The following EHD3 variants were observed in gnomAD, a reference collection of about 807,000 sequenced individuals.
EHD3 encodes the protein EH domain containing 3.
EHD3 carries 17 observed loss-of-function variants against 43.0 expected under a neutral mutation model. The ratio of observed to expected loss-of-function variants is 0.40; its 90% confidence interval spans 0.27 to 0.59. EHD3 has a LOEUF of 0.59. EHD3 is among the 20% of genes least tolerant of loss of function. The pLI is 0.49. For missense variants in EHD3, 594 were observed against 705.6 expected, an observed-to-expected ratio of 0.84 and a Z score of 1.79; for synonymous variants, 313 against 289.5, an observed-to-expected ratio of 1.08 and a Z score of -0.82.
intron 5 of EHD3, among the ~76,000 whole-genome samples, chr2:31,262,010 G>C (rs1210653041): frequency 6.6e-6 from 1 of 152,222 alleles, no homozygotes; most frequent in Non-Finnish European, 1.5e-5. Flanking sequence ...AGCCACCACA[G>C]GCTTGACGTC....
At chr2:31,250,244 G>A (rs1330623196) in intron 3 of EHD3, among the ~76,000 whole-genome samples, 2 of 150,844 alleles carry the variant, frequency 1.3e-5, no homozygotes, top group East Asian at 3.9e-4. Context: ...GATTATAGAT[G>A]ATCATCATCA....
rs112404429 is a variant in EHD3, at chr2:31,256,687, A to G, written c.503-3823A>G. On this transcript the variant is annotated intron_variant, in intron 3 of 5. Coordinates refer to ENST00000322054, the MANE Select transcript of EHD3 (RefSeq NM_014600.3). ...CAGCATGGACATATTGCTGCCCCTC[A>G]GCCTTTGCAGACACAGCCTTCTCTT... Among the ~76,000 whole-genome samples, 1,182 of 152,318 alleles carry G rather than the reference A, an allele frequency of 7.8e-3. 19 individuals are homozygous for G. The highest frequency in any genetic ancestry group is 0.026 in the African/African-American group (1,089 of 41,574).
rs544710867 is a variant in EHD3, at chr2:31,263,570, G to A, written c.1080+1857G>A. On this transcript the variant is annotated intron_variant, in intron 5 of 5. Coordinates refer to ENST00000322054, the MANE Select transcript of EHD3 (RefSeq NM_014600.3). The stretch of plus-strand genomic sequence containing the variant: ...CTGGGAGGGACAGGAGGAATGAGAG[G>A]TGGGAGGACCTTGGGACGTGATGCT... 2.0e-5 allele frequency among the ~76,000 whole-genome samples: 3 copies of A among 152,296 alleles called. No individual in the cohort carries two copies. The South Asian group carries it at 6.2e-4, about 32-fold the overall frequency.
At position 31,266,379 on chromosome 2, in the gene EHD3, A is replaced by T; in HGVS notation, c.1283A>T (p.Glu428Val). The part of the protein sequence containing the change: ...LHGPFGHGYG[E>V]GAGEGIDDAE... ...GGCCCCTTTGGGCATGGCTATGGGG[A>T]GGGGGCTGGAGAAGGTATCGATGAT... is the stretch of plus-strand genomic sequence containing the variant. Residue 428 changes from glutamate (E) to valine (V), a missense_variant, in exon 6 of 6, where the codon GAG becomes GTG. Around this residue, in one of 3 missense-constraint regions of EHD3, gnomAD observed 322 missense variants for 348.0 expected, o/e 0.93. Transcript: ENST00000322054. This position sits in a 1 kb window ranked among gnomAD's most constrained non-coding sequence, Gnocchi z 5.1. 1.2e-6 allele frequency: 2 copies of T among 1,613,974 alleles called. No individual in the cohort carries two copies. The highest frequency in any genetic ancestry group is 8.5e-7 in the Non-Finnish European group (1 of 1,179,960).
In EHD3 at chr2:31,266,727, G is replaced by T. The variant is rs746607553; in HGVS notation, c.*23G>T. The stretch of plus-strand genomic sequence containing the variant: ...TGATGGGGTGGGGGGACATTCAGAC[G>T]GGCAGTGTTAGAGGAGGAGATGGGA... On this transcript the variant is annotated 3_prime_UTR_variant, in exon 6 of 6. Coordinates refer to ENST00000322054, the MANE Select transcript of EHD3 (RefSeq NM_014600.3). This position sits in a 1 kb window ranked among gnomAD's most constrained non-coding sequence, Gnocchi z 5.1. The T allele has an allele frequency of 6.4e-7, 1 of 1,571,396 alleles. No homozygotes were observed. The highest frequency in any genetic ancestry group is 8.6e-7 in the Non-Finnish European group (1 of 1,160,302).
intron 3 of EHD3, among the ~76,000 whole-genome samples, chr2:31,251,889 T>C (rs904652641): frequency 1.3e-5 from 2 of 152,134 alleles, no homozygotes; most frequent in Non-Finnish European, 2.9e-5. Context: ...CCCCAAGTGG[T>C]TCATCTGGGG....
chr2:31,238,899 G>A (rs1683370271), intron 1 of EHD3, among the ~76,000 whole-genome samples: 1 of 152,124 alleles, frequency 6.6e-6, no homozygotes, highest in Non-Finnish European at 1.5e-5. Flanking sequence ...GGGCTGCAGA[G>A]CTAAGCTGCC....
At chr2:31,242,853 G>A (rs930612944) in intron 1 of EHD3, among the ~76,000 whole-genome samples, 5 of 152,096 alleles carry the variant, frequency 3.3e-5, no homozygotes, top group East Asian at 1.9e-4. Context: ...CCAGCTACTC[G>A]GGAGGCTGAG....
At chr2:31,242,198 G>A (rs1284427189) in intron 1 of EHD3, among the ~76,000 whole-genome samples, 4 of 152,208 alleles carry the variant, frequency 2.6e-5, no homozygotes, top group African/African-American at 7.2e-5. Context: ...TTGATGAGTG[G>A]GAGGAAGCCC....
At chr2:31,258,370 C>G (rs544025254) in intron 3 of EHD3, among the ~76,000 whole-genome samples, 58 of 152,264 alleles carry the variant, frequency 3.8e-4, no homozygotes, top group African/African-American at 1.4e-3. Flanking sequence ...AAATATGTAC[C>G]CCACTGGGTG....
intron 3 of EHD3, among the ~76,000 whole-genome samples, chr2:31,255,564 T>C (rs577607768): frequency 3.9e-5 from 6 of 152,252 alleles, no homozygotes; most frequent in African/African-American, 1.4e-4. Flanking sequence ...CTGGGTCCAG[T>C]CCATACCTTT....
intron 1 of EHD3, among the ~76,000 whole-genome samples, chr2:31,239,256 C>T (rs1683375161): frequency 6.6e-6 from 1 of 152,210 alleles, no homozygotes; most frequent in Non-Finnish European, 1.5e-5. Flanking sequence ...CTGCAAAGTC[C>T]ATCCTGGCAG....
At chr2:31,245,628 C>G (rs1265538938) in intron 2 of EHD3, among the ~76,000 whole-genome samples, 1 of 142,672 alleles carries the variant, frequency 7.0e-6, no homozygotes, top group Non-Finnish European at 1.5e-5. Context: ...ATGGCGCGAT[C>G]TCAGCTCATC....
Position 31,261,587 on chromosome 2 carries a change from G to GC in EHD3, c.957dup (p.Ser320LeufsTer50). 6.2e-7 allele frequency: 1 copy of GC among 1,614,234 alleles called. No homozygotes were observed. Among genetic ancestry groups the GC allele is most frequent in the South Asian group, 1.1e-5 (1 of 91,082 alleles). ...TCATCAGCTCTCTGAAGAAGGAGATGCCCTCGGTGTTCGGGAAGGACAACA... is the reference window on the plus strand; with the variant it reads ...TCATCAGCTCTCTGAAGAAGGAGATGCCCCTCGGTGTTCGGGAAGGACAACA... On this transcript the variant is annotated frameshift_variant, in exon 5 of 6. Coordinates refer to ENST00000322054, the MANE Select transcript of EHD3 (RefSeq NM_014600.3). LOFTEE classifies it high-confidence loss of function.
chr2:31,245,547 ATATATATTT>A (rs1447389690), intron 2 of EHD3, among the ~76,000 whole-genome samples: 1,606 of 82,552 alleles, frequency 0.019, 5 homozygotes, highest in Non-Finnish European at 0.021. Context: ...ATATATATAT[ATATATATTT>A]TTTTTTTTTT....
chr2:31,239,279 C>T (rs1209465414), intron 1 of EHD3, among the ~76,000 whole-genome samples: 1 of 152,216 alleles, frequency 6.6e-6, no homozygotes, highest in Non-Finnish European at 1.5e-5. Context: ...ATAGCCCCTG[C>T]ACCACCTTCA....
intron 3 of EHD3, among the ~76,000 whole-genome samples, chr2:31,255,800 TAGG>T (rs959694918): frequency 6.6e-6 from 1 of 152,032 alleles, no homozygotes; most frequent in African/African-American, 2.4e-5. Flanking sequence ...CCAGAGCAAA[TAGG>T]AGGCCTCTGC....
At chr2:31,248,165 C>T (rs1346114663) in intron 2 of EHD3, among the ~76,000 whole-genome samples, 1 of 152,222 alleles carries the variant, frequency 6.6e-6, no homozygotes, top group Non-Finnish European at 1.5e-5. Flanking sequence ...AGGTTCCTGT[C>T]TCTATGCTGC....
At chr2:31,259,471 A>G (rs1029234536) in intron 3 of EHD3, among the ~76,000 whole-genome samples, 8 of 152,196 alleles carry the variant, frequency 5.3e-5, no homozygotes, top group African/African-American at 1.9e-4. Context: ...TACTGGATCC[A>G]CAGCTACTTG....
Sources: allele counts gnomAD v4.1 joint callset (sites outside exome capture counted in the v4.1 genomes callset), GRCh38; gene constraint gnomAD v4.1.1; regional missense constraint gnomAD v4.1.1; non-coding constraint Gnocchi (gnomAD v3.1); transcripts MANE v1.5; gene names NCBI Gene and HGNC (gene_info 2026-07-23, HGNC 2026-07-21).